Variants in IL1RAPL2 observed in about 807,000 individuals in gnomAD.
The protein encoded by IL1RAPL2 is interleukin 1 receptor accessory protein like 2, also known as X-linked interleukin-1 receptor accessory protein-like 2.
IL1RAPL2 carries 3 observed loss-of-function variants against 44.1 expected under a neutral mutation model. The observed-to-expected ratio is 0.07, with a 90% CI of 0.03 to 0.18. IL1RAPL2 has a LOEUF of 0.18. Among genes scored for constraint, IL1RAPL2 ranks in the 10% least tolerant of loss-of-function variants. The pLI is 1.00. For synonymous variants in IL1RAPL2, 181 were observed against 178.8 expected (o/e 1.01, Z -0.10); for missense variants, 391 against 496.4 (o/e 0.79, Z 2.02).
At chrX:105,046,112 C>T (rs751602812) in intron 2 of IL1RAPL2, among the ~76,000 whole-genome samples, 4 of 111,359 alleles carry the variant, frequency 3.6e-5, no homozygotes, top group Non-Finnish European at 7.5e-5. Flanking sequence ...AGTGCTCAAG[C>T]TACTCATGTG....
chrX:104,720,049 C>T (rs192382608), intron 2 of IL1RAPL2, among the ~76,000 whole-genome samples: 1 of 111,532 alleles, frequency 9.0e-6, no homozygotes, highest in East Asian at 2.9e-4. Context: ...AGCTGATATC[C>T]AGAGTATCCT....
chrX:104,631,983 T>C (rs1258331701), intron 1 of IL1RAPL2, among the ~76,000 whole-genome samples: 2 of 111,250 alleles, frequency 1.8e-5, no homozygotes, highest in African/African-American at 6.5e-5. Context: ...AGGTCTAACA[T>C]TTAAGTCTTT....
rs922838106 is a variant in IL1RAPL2 at position 105,632,893 on chromosome X, A to G, written c.773-84474A>G. Among the ~76,000 whole-genome samples the G allele has an allele frequency of 2.7e-5, 3 of 111,880 alleles. No individual in the cohort carries two copies. The Admixed American group carries it at 2.8e-4, about 11-fold the overall frequency. ...AACGAGGTGAGTTTCAGCCATACCC[A>G]GTTGTGCAAGTTTTACACAAAACCC... On this transcript the variant is annotated intron_variant, in intron 6 of 10. Coordinates refer to ENST00000372582, the MANE Select transcript of IL1RAPL2 (RefSeq NM_017416.2).
intron 6 of IL1RAPL2, among the ~76,000 whole-genome samples, chrX:105,590,659 T>C (rs1346195021): frequency 9.0e-6 from 1 of 111,719 alleles, no homozygotes; most frequent in Non-Finnish European, 1.9e-5. Flanking sequence ...ATGAATCACC[T>C]TTATTGATTG....
chrX:105,695,421 A>G (rs771597680), intron 6 of IL1RAPL2, among the ~76,000 whole-genome samples: 3 of 111,984 alleles, frequency 2.7e-5, no homozygotes, highest in Non-Finnish European at 5.6e-5. Flanking sequence ...TTACAGCTAG[A>G]TGATATTAGC....
chrX:105,033,703 TG>T (rs1181478932), intron 2 of IL1RAPL2, among the ~76,000 whole-genome samples: 12 of 111,019 alleles, frequency 1.1e-4, no homozygotes, highest in African/African-American at 2.9e-4. Flanking sequence ...TTATATGTCT[TG>T]GAGTTGCTCT....
chrX:104,575,725 C>G (rs964791059), intron 1 of IL1RAPL2, among the ~76,000 whole-genome samples: 1 of 111,672 alleles, frequency 9.0e-6, no homozygotes, highest in African/African-American at 3.3e-5. Context: ...ATACAGCTGA[C>G]TTTTTCCCCT....
At chrX:104,640,669 A>T (rs1929915689) in intron 1 of IL1RAPL2, among the ~76,000 whole-genome samples, 1 of 112,026 alleles carries the variant, frequency 8.9e-6, no homozygotes, top group Admixed American at 9.4e-5. Flanking sequence ...TTTCCTGAAG[A>T]TGTATCTATG....
intron 2 of IL1RAPL2, among the ~76,000 whole-genome samples, chrX:104,689,689 A>G (rs1931056660): frequency 9.0e-6 from 1 of 111,483 alleles, no homozygotes; most frequent in South Asian, 3.8e-4. Flanking sequence ...AGAGTCATCA[A>G]TGGATTAGTA....
intron 2 of IL1RAPL2, among the ~76,000 whole-genome samples, chrX:104,847,705 A>C (rs1421795287): frequency 1.8e-5 from 2 of 111,764 alleles, no homozygotes; most frequent in Non-Finnish European, 3.8e-5. Context: ...TGAACTTTAA[A>C]GTAGTTTTTT....
In IL1RAPL2 at chrX:104,781,516, A is replaced by G. The variant is rs747290494; in HGVS notation, c.82+122521A>G. Among the ~76,000 whole-genome samples, 95 of 112,006 alleles carry G rather than the reference A, an allele frequency of 8.5e-4. 2 individuals carry two copies. The highest frequency in any genetic ancestry group is 2.9e-3 in the African/African-American group (90 of 30,858). ...AGTCTGTATAGAGTAGCTCTGATCT[A>G]TGAGATCATTTAGGGGCCCAGATGC... is the stretch of plus-strand genomic sequence containing the variant. On this transcript the variant is annotated intron_variant, in intron 2 of 10. Coordinates refer to ENST00000372582, the MANE Select transcript of IL1RAPL2 (RefSeq NM_017416.2).
chrX:104,728,921 G>A (rs1407942853), intron 2 of IL1RAPL2, among the ~76,000 whole-genome samples: 1 of 111,607 alleles, frequency 9.0e-6, no homozygotes, highest in East Asian at 2.8e-4. Flanking sequence ...AACTGTAATA[G>A]GTAAGTATAA....
intron 5 of IL1RAPL2, among the ~76,000 whole-genome samples, chrX:105,377,434 G>A (rs1363464542): frequency 4.6e-5 from 5 of 108,804 alleles, no homozygotes; most frequent in Admixed American, 3.0e-4. Flanking sequence ...TGAATACTGA[G>A]ATAATCTTAA....
intron 2 of IL1RAPL2, among the ~76,000 whole-genome samples, chrX:105,193,131 G>A (rs1448210494): frequency 8.9e-6 from 1 of 111,905 alleles, no homozygotes; most frequent in Non-Finnish European, 1.9e-5. Flanking sequence ...TTGTAAAAGT[G>A]TAGAATTATG....
chrX:105,681,626 C>T (rs2037926421), intron 6 of IL1RAPL2, among the ~76,000 whole-genome samples: 1 of 110,974 alleles, frequency 9.0e-6, no homozygotes, highest in Non-Finnish European at 1.9e-5. Context: ...GGTGTGGTGG[C>T]AGGTGCCTAT....
At chrX:105,017,089 C>A (rs2031194820) in intron 2 of IL1RAPL2, among the ~76,000 whole-genome samples, 1 of 111,392 alleles carries the variant, frequency 9.0e-6, no homozygotes, top group African/African-American at 3.3e-5. Context: ...AGTTTATTTG[C>A]GTAGAGGTGT....
chrX:105,034,497 C>G (rs1020275799), intron 2 of IL1RAPL2, among the ~76,000 whole-genome samples: 5 of 112,261 alleles, frequency 4.5e-5, no homozygotes, highest in Non-Finnish European at 7.5e-5. Flanking sequence ...CACTCCAGAC[C>G]CTGTTTGCCT....
intron 2 of IL1RAPL2, among the ~76,000 whole-genome samples, chrX:104,947,750 G>T (rs1243113041): frequency 9.0e-6 from 1 of 111,463 alleles, no homozygotes; most frequent in Non-Finnish European, 1.9e-5. Context: ...TATTTCTCAG[G>T]GTTCTGTTCT....
chrX:104,948,272 A>G (rs1439258199), intron 2 of IL1RAPL2, among the ~76,000 whole-genome samples: 5 of 109,502 alleles, frequency 4.6e-5, no homozygotes, highest in Non-Finnish European at 9.5e-5. Flanking sequence ...GATTTTATAT[A>G]CTGAGACTTT....
Sources: gnomAD v4.1 joint callset for allele counts (sites outside exome capture counted in the v4.1 genomes callset) on GRCh38, gnomAD v4.1.1 for gene constraint, MANE v1.5 for transcripts, NCBI Gene and HGNC (gene_info 2026-07-23, HGNC 2026-07-21) for gene names.